FMNL2: variants seen among roughly 807,000 people sequenced by gnomAD.
FMNL2 encodes formin-like protein 2.
Under a neutral mutation model 130.2 loss-of-function variants are expected in FMNL2, and 51 were observed. That is an observed-to-expected ratio of 0.39 (90% CI 0.31 to 0.49). The LOEUF (loss-of-function observed/expected upper bound fraction) is 0.49, where lower values mean the gene tolerates loss of function less well. Ranked by LOEUF, FMNL2 falls within the 20% of genes least tolerant of loss-of-function variation. The pLI is 0.85. For missense variants in FMNL2, 977 were observed against 1,316.2 expected, an observed-to-expected ratio of 0.74 and a Z score of 3.99; for synonymous variants, 465 against 467.1, an observed-to-expected ratio of 1.00 and a Z score of 0.06.
intron 1 of FMNL2, among the ~76,000 whole-genome samples, chr2:152,344,338 A>T (rs192527458): frequency 1.3e-5 from 2 of 152,052 alleles, no homozygotes; most frequent in East Asian, 3.9e-4. Flanking sequence ...TTCCTACCCC[A>T]AAGACCAAGC....
chr2:152,635,062 T>C (rs1302978078), intron 21 of FMNL2, among the ~76,000 whole-genome samples: 19 of 152,186 alleles, frequency 1.2e-4, no homozygotes. Flanking sequence ...GAGAAATGGT[T>C]CGTTGTGTAG....
intron 11 of FMNL2, 98 bp from the exon 12 acceptor site, chr2:152,614,753 A>AAAAC: frequency 1.5e-6 from 2 of 1,367,060 alleles, no homozygotes; most frequent in Non-Finnish European, 2.0e-6. Flanking sequence ...AAAACAAAAC[A>AAAAC]AAACAAAACA....
chr2:152,635,130 A>G (rs962332732), intron 21 of FMNL2, among the ~76,000 whole-genome samples: 7 of 152,240 alleles, frequency 4.6e-5, no homozygotes, highest in Admixed American at 4.6e-4. Context: ...CTCTCAGCTT[A>G]TAAGGCACCC....
At chr2:152,401,617 C>G (rs1685697267) in intron 1 of FMNL2, among the ~76,000 whole-genome samples, 1 of 152,128 alleles carries the variant, frequency 6.6e-6, no homozygotes, top group Non-Finnish European at 1.5e-5. Context: ...CATTTGAAAT[C>G]TTTATTTAGA....
intron 4 of FMNL2, among the ~76,000 whole-genome samples, chr2:152,549,917 G>A (rs572517974): frequency 1.6e-4 from 24 of 152,200 alleles, no homozygotes; most frequent in African/African-American, 5.8e-4. Flanking sequence ...GAGGACTATC[G>A]ACTTTTAGAT....
At chr2:152,626,476 C>T in intron 16 of FMNL2, 49 bp from the exon 17 acceptor site, 1 of 1,499,618 alleles carries the variant, frequency 6.7e-7, no homozygotes, top group African/African-American at 1.4e-5. Context: ...TTCCGGACTT[C>T]ATTTTTAAAT....
At chr2:152,370,005 T>C (rs1204974319) in intron 1 of FMNL2, among the ~76,000 whole-genome samples, 2 of 152,166 alleles carry the variant, frequency 1.3e-5, no homozygotes, top group African/African-American at 4.8e-5. Context: ...GAAGGGTGGA[T>C]GGAGAGGCAC....
intron 1 of FMNL2, among the ~76,000 whole-genome samples, chr2:152,492,777 TC>T: frequency 6.6e-6 from 1 of 152,260 alleles, no homozygotes; most frequent in East Asian, 1.9e-4. Context: ...CGGTTATCGT[TC>T]CTCTACTTTG....
chr2:152,375,388 G>C (rs1234496777), intron 1 of FMNL2, among the ~76,000 whole-genome samples: 1 of 152,254 alleles, frequency 6.6e-6, no homozygotes, highest in Non-Finnish European at 1.5e-5. Flanking sequence ...ATGCCTGGTA[G>C]GTTATGAGGA....
chr2:152,382,099 T>C (rs1442435881), intron 1 of FMNL2, among the ~76,000 whole-genome samples: 1 of 152,152 alleles, frequency 6.6e-6, no homozygotes, highest in Non-Finnish European at 1.5e-5. Context: ...ATGCCTGGCC[T>C]AGAATCTTTA....
chr2:152,465,276 G>T (rs1323106453), intron 1 of FMNL2, among the ~76,000 whole-genome samples: 3 of 152,236 alleles, frequency 2.0e-5, no homozygotes, highest in Non-Finnish European at 4.4e-5. Flanking sequence ...GTGTGTTGGT[G>T]AGTGCTCCAC....
At chr2:152,529,275 C>T (rs1383753794) in intron 2 of FMNL2, among the ~76,000 whole-genome samples, 1 of 151,974 alleles carries the variant, frequency 6.6e-6, no homozygotes, top group Non-Finnish European at 1.5e-5. Context: ...GGAAAAGGCT[C>T]CAAATGGTTG....
chr2:152,436,093 C>T (rs759509732), intron 1 of FMNL2, among the ~76,000 whole-genome samples: 1 of 151,816 alleles, frequency 6.6e-6, no homozygotes, highest in Non-Finnish European at 1.5e-5. Context: ...AAATGCAAAA[C>T]ACCACGCGGT....
chr2:152,556,880 C>T (rs1695235359), intron 4 of FMNL2, among the ~76,000 whole-genome samples: 2 of 151,756 alleles, frequency 1.3e-5, no homozygotes, highest in South Asian at 2.1e-4. Flanking sequence ...AAATCTGCCC[C>T]CCTCCCCCCG....
chr2:152,362,530 C>G (rs2105821451), intron 1 of FMNL2, among the ~76,000 whole-genome samples: 1 of 152,026 alleles, frequency 6.6e-6, no homozygotes, highest in East Asian at 1.9e-4. Context: ...GAAAAGGACT[C>G]TAGTGTCTCT....
At chr2:152,631,569 A>T (rs1179049222) in intron 20 of FMNL2, among the ~76,000 whole-genome samples, 1 of 152,012 alleles carries the variant, frequency 6.6e-6, no homozygotes, top group Non-Finnish European at 1.5e-5. Context: ...TCTAGGGTGG[A>T]TGGGAATGGC....
chr2:152,526,078 T>C (rs963467965), intron 2 of FMNL2, among the ~76,000 whole-genome samples: 13 of 152,162 alleles, frequency 8.5e-5, no homozygotes, highest in African/African-American at 3.1e-4. Flanking sequence ...CCATGGTTTT[T>C]AGTGTTGGTT....
At chr2:152,361,938 T>C (rs1387229780) in intron 1 of FMNL2, among the ~76,000 whole-genome samples, 1 of 152,222 alleles carries the variant, frequency 6.6e-6, no homozygotes, top group East Asian at 1.9e-4. Flanking sequence ...ACCATACCTA[T>C]AAATACTTTT....
chr2:152,575,307 C>T (rs1696413302), intron 7 of FMNL2, 63 bp downstream of exon 7: 3 of 1,103,732 alleles, frequency 2.7e-6, no homozygotes, highest in Non-Finnish European at 4.0e-6. Flanking sequence ...GAAATGACTG[C>T]TGGGTGCAGT....
Sources: allele counts gnomAD v4.1 joint callset (sites outside exome capture counted in the v4.1 genomes callset), GRCh38; gene constraint gnomAD v4.1.1; transcripts MANE v1.5; gene names NCBI Gene and HGNC (gene_info 2026-07-23, HGNC 2026-07-21).